POLR3GL: variants seen among roughly 807,000 people sequenced by gnomAD.
The protein encoded by POLR3GL is DNA-directed RNA polymerase III subunit RPC7-like.
A neutral mutation model predicts 32.4 loss-of-function variants in POLR3GL; 26 were observed. The observed-to-expected ratio is 0.80, with a 90% CI of 0.59 to 1.11. The LOEUF is 1.11. Among genes scored for constraint, POLR3GL ranks in the 50% most tolerant of loss-of-function variants. The pLI is 0.00. For synonymous variants in POLR3GL, 95 were observed against 98.7 expected (o/e 0.96, Z 0.22); for missense variants, 229 against 280.1 (o/e 0.82, Z 1.30).
At chr1:145,969,843 C>T (rs182882836) in intron 1 of POLR3GL, among the ~76,000 whole-genome samples, 87 of 149,652 alleles carry the variant, frequency 5.8e-4, no homozygotes, top group African/African-American at 2.0e-3. Flanking sequence ...TGCTTGAACC[C>T]GTAAGGTGGA....
At chr1:145,977,249 A>G (rs1175036489) in intron 4 of POLR3GL, 97 bp downstream of exon 4, 3 of 1,090,344 alleles carry the variant, frequency 2.8e-6, no homozygotes, top group South Asian at 1.3e-5. Flanking sequence ...CCATTCCCCG[A>G]TCCAGCATCT....
intron 1 of POLR3GL, among the ~76,000 whole-genome samples, chr1:145,971,688 C>T (rs1243517402): frequency 2.0e-5 from 3 of 151,924 alleles, no homozygotes; most frequent in Admixed American, 1.3e-4. Flanking sequence ...GAATGAGGGC[C>T]GGGTGCAGTG....
At position 145,978,524 on chromosome 1, in the gene POLR3GL, G is replaced by A. The variant is rs192742096; in HGVS notation, c.*77G>A. ...ACCTATTATTTGTTTCTTCAGACAAGCAAATCATTTGGTCAGAGTTCATAT... is the reference window on the plus strand; with the variant it reads ...ACCTATTATTTGTTTCTTCAGACAAACAAATCATTTGGTCAGAGTTCATAT... On this transcript the variant is annotated 3_prime_UTR_variant, in exon 8 of 8. Transcript: ENST00000369314. 8.2e-5 allele frequency: 78 copies of A among 951,384 alleles called. No individual in the cohort carries two copies. The highest frequency in any genetic ancestry group is 1.3e-4 in the Non-Finnish European group (75 of 592,592). 58.9% of individuals were successfully genotyped at this position (951,384 alleles called of 1,614,324 possible).
At position 145,975,129 on chromosome 1, in the gene POLR3GL, G is replaced by T; in HGVS notation, c.126+138G>T. The T allele has an allele frequency of 3.0e-6, 4 of 1,323,056 alleles. No homozygotes were observed. The South Asian group carries it at 6.0e-5, about 20-fold the overall frequency. The allele number at this position is 1,323,056 out of a possible 1,614,324, so 82.0% of individuals were successfully genotyped here. A position where few individuals can be genotyped will look rare whatever the true frequency, so the allele number is the denominator to read the frequency against. ...TACTCCCAATGCACAGGGATGTTTT[G>T]CAGGCAAAGAAGTGTCCACCTTTAC... On this transcript the variant is annotated intron_variant, in intron 2 of 7. Coordinates refer to ENST00000369314, the MANE Select transcript of POLR3GL (RefSeq NM_032305.3).
At chr1:145,967,927 C>T (rs1433297060) in intron 1 of POLR3GL, among the ~76,000 whole-genome samples, 2 of 152,148 alleles carry the variant, frequency 1.3e-5, no homozygotes, top group African/African-American at 4.8e-5. Context: ...GGTTTAGAGA[C>T]AATAAATAAA....
intron 1 of POLR3GL, among the ~76,000 whole-genome samples, chr1:145,966,483 CAAAAA>C (rs781955120): frequency 3.5e-5 from 2 of 57,758 alleles, no homozygotes; most frequent in Admixed American, 2.3e-4. Context: ...GAACCTGTCT[CAAAAA>C]AAAAAAAAAA....
intron 2 of POLR3GL, 46 bp downstream of exon 2, chr1:145,975,037 G>A: frequency 6.7e-7 from 1 of 1,497,032 alleles, no homozygotes; most frequent in South Asian, 1.4e-5. Flanking sequence ...GCCCCTGGCT[G>A]ACTGTACATG....
intron 1 of POLR3GL, among the ~76,000 whole-genome samples, chr1:145,974,329 T>C (rs1482958235): frequency 1.3e-5 from 2 of 151,868 alleles, no homozygotes; most frequent in East Asian, 2.0e-4. Flanking sequence ...AGGCCAGAGA[T>C]AGAAAGAATT....
intron 1 of POLR3GL, among the ~76,000 whole-genome samples, chr1:145,965,422 A>G (rs1320350645): frequency 6.6e-6 from 1 of 152,240 alleles, no homozygotes; most frequent in Non-Finnish European, 1.5e-5. Flanking sequence ...TTAGTGTTTC[A>G]TAATTGTTTC....
intron 1 of POLR3GL, among the ~76,000 whole-genome samples, chr1:145,966,483 C>CAA (rs781955120): frequency 3.3e-4 from 19 of 57,726 alleles, no homozygotes; most frequent in South Asian, 5.7e-4. Context: ...GAACCTGTCT[C>CAA]AAAAAAAAAA....
At chr1:145,976,739 C>A (rs148849145) in intron 3 of POLR3GL, among the ~76,000 whole-genome samples, 1 of 151,470 alleles carries the variant, frequency 6.6e-6, no homozygotes, top group East Asian at 1.9e-4. Context: ...ATGGTGAAAC[C>A]CCGTCTCTAC....
Position 145,978,531 on chromosome 1 carries a change from A to G in POLR3GL, c.*84A>G. ...ATTTGTTTCTTCAGACAAGCAAATC[A>G]TTTGGTCAGAGTTCATATAATCTGT... On this transcript the variant is annotated 3_prime_UTR_variant, in exon 8 of 8. Coordinates refer to ENST00000369314, the MANE Select transcript of POLR3GL (RefSeq NM_032305.3). The G allele has an allele frequency of 3.3e-6, 3 of 913,184 alleles. No individual in the cohort carries two copies. In the Admixed American group the frequency reaches 5.9e-5, roughly 18 times the overall value. The allele number at this position is 913,184 out of a possible 1,614,324, so 56.6% of individuals were successfully genotyped here.
At chr1:145,975,532 C>T in intron 3 of POLR3GL, 96 bp downstream of exon 3, 1 of 1,392,514 alleles carries the variant, frequency 7.2e-7, no homozygotes, top group Non-Finnish European at 1.0e-6. Flanking sequence ...AGGAAGCATA[C>T]TATCTAACTG....
intron 6 of POLR3GL, 57 bp from the exon 7 acceptor site, chr1:145,977,926 A>T: frequency 6.2e-7 from 1 of 1,613,860 alleles, no homozygotes; most frequent in Non-Finnish European, 8.5e-7. Flanking sequence ...GTGTGCCTCA[A>T]TTTTTCCCTT....
intron 1 of POLR3GL, among the ~76,000 whole-genome samples, chr1:145,968,761 C>G (rs1650149595): frequency 6.6e-6 from 1 of 151,704 alleles, no homozygotes; most frequent in African/African-American, 2.4e-5. Flanking sequence ...TTAGTAGAGA[C>G]GGGGTTTCAC....
At chr1:145,969,421 T>C (rs1295232552) in intron 1 of POLR3GL, among the ~76,000 whole-genome samples, 2 of 151,624 alleles carry the variant, frequency 1.3e-5, no homozygotes, top group East Asian at 4.0e-4. Context: ...CACACCACCA[T>C]GCCCAGCTAA....
chr1:145,972,387 A>G (rs1324563481), intron 1 of POLR3GL, among the ~76,000 whole-genome samples: 1 of 151,692 alleles, frequency 6.6e-6, no homozygotes, highest in Non-Finnish European at 1.5e-5. Flanking sequence ...TCTCAAAAAA[A>G]AAAAAAAAAA....
At chr1:145,969,310 T>G (rs1251132069) in intron 1 of POLR3GL, among the ~76,000 whole-genome samples, 1 of 151,650 alleles carries the variant, frequency 6.6e-6, no homozygotes, top group African/African-American at 2.4e-5. Context: ...CTTTTGCCAG[T>G]CTGGAGTGCA....
intron 1 of POLR3GL, among the ~76,000 whole-genome samples, chr1:145,966,055 G>T (rs905615625): frequency 2.8e-5 from 4 of 144,052 alleles, no homozygotes; most frequent in Admixed American, 7.2e-5. Flanking sequence ...GGCGGAGGTT[G>T]CAGTGAGCTC....
Sources: allele counts gnomAD v4.1 joint callset (sites outside exome capture counted in the v4.1 genomes callset), GRCh38; gene constraint gnomAD v4.1.1; transcripts MANE v1.5; gene names NCBI Gene and HGNC (gene_info 2026-07-23, HGNC 2026-07-21).